The following THADA variants were observed in gnomAD, a reference collection of about 807,000 sequenced individuals.
THADA encodes THADA armadillo repeat containing, also known as tRNA (32-2'-O)-methyltransferase regulator THADA.
THADA carries 213 observed loss-of-function variants against 219.8 expected under a neutral mutation model. The observed-to-expected ratio is 0.97, with a 90% confidence interval of 0.87 to 1.09. The LOEUF (loss-of-function observed/expected upper bound fraction) is 1.09. Among genes scored for constraint, THADA ranks in the 50% least tolerant of loss-of-function variants. The pLI is 0.00. For synonymous variants in THADA, 1,018 were observed against 828.9 expected, an observed-to-expected ratio of 1.23 and a Z score of -3.92; for missense variants, 2,956 against 2,311.3, an observed-to-expected ratio of 1.28 and a Z score of -5.72.
intron 31 of THADA, among the ~76,000 whole-genome samples, chr2:43,309,185 T>C (rs773359041): frequency 6.6e-6 from 1 of 152,174 alleles, no homozygotes; most frequent in Non-Finnish European, 1.5e-5. Context: ...AAAAAAGACA[T>C]ACATAGTCAA....
At chr2:43,233,989 G>A (rs1046026313) in intron 36 of THADA, among the ~76,000 whole-genome samples, 4 of 152,140 alleles carry the variant, frequency 2.6e-5, no homozygotes, top group Non-Finnish European at 4.4e-5. Flanking sequence ...GCCCCCGAAA[G>A]ACTTACTCGG....
chr2:43,549,656 T>C (rs1396192559), intron 19 of THADA, among the ~76,000 whole-genome samples: 1 of 150,870 alleles, frequency 6.6e-6, no homozygotes, highest in Non-Finnish European at 1.5e-5. Flanking sequence ...TTTCTTAGTG[T>C]TGTCTAAATA....
chr2:43,469,686 C>T (rs144835890), intron 26 of THADA, among the ~76,000 whole-genome samples: 1 of 148,052 alleles, frequency 6.8e-6, no homozygotes, highest in African/African-American at 2.6e-5. Context: ...TCCAAAAAAA[C>T]ATGCCTCTCT....
chr2:43,320,866 T>TGGGGAGATG (rs1466981360), intron 30 of THADA, among the ~76,000 whole-genome samples: 1 of 151,816 alleles, frequency 6.6e-6, no homozygotes, highest in Non-Finnish European at 1.5e-5. Flanking sequence ...ACAGAAGGGG[T>TGGGGAGATG]GGGGAGATGG....
intron 34 of THADA, among the ~76,000 whole-genome samples, chr2:43,288,157 G>T (rs955292597): frequency 6.6e-6 from 1 of 152,228 alleles, no homozygotes; most frequent in Non-Finnish European, 1.5e-5. Context: ...AGTGGCTCAC[G>T]GCTATAATCC....
chr2:43,348,671 G>A (rs759562882), intron 29 of THADA, among the ~76,000 whole-genome samples: 2 of 152,176 alleles, frequency 1.3e-5, no homozygotes, highest in African/African-American at 4.8e-5. Context: ...CTTTAGACAT[G>A]GAGTTAAGGC....
chr2:43,326,213 A>G (rs1679317272), intron 30 of THADA, among the ~76,000 whole-genome samples: 1 of 151,914 alleles, frequency 6.6e-6, no homozygotes, highest in African/African-American at 2.4e-5. Context: ...GTAGTTGGGA[A>G]AACACACAAC....
chr2:43,370,201 A>G (rs1410964599), intron 29 of THADA: 3 of 152,256 alleles, frequency 2.0e-5, no homozygotes, highest in Non-Finnish European at 2.9e-5. Flanking sequence ...TCTTGGCCTG[A>G]AAGAGCAAAG....
At chr2:43,469,507 G>A (rs1488371342) in intron 26 of THADA, among the ~76,000 whole-genome samples, 2 of 151,626 alleles carry the variant, frequency 1.3e-5, no homozygotes, top group African/African-American at 4.9e-5. Flanking sequence ...TCCCTTAAAT[G>A]AACATTAAAA....
At chr2:43,284,277 C>A (rs781103039) in intron 35 of THADA, among the ~76,000 whole-genome samples, 8 of 152,220 alleles carry the variant, frequency 5.3e-5, no homozygotes, top group Non-Finnish European at 1.2e-4. Context: ...CCACCAAAGG[C>A]CAGGAGGCCT....
chr2:43,395,488 A>G (rs900891943), intron 29 of THADA, among the ~76,000 whole-genome samples: 2 of 152,242 alleles, frequency 1.3e-5, no homozygotes, highest in African/African-American at 4.8e-5. Flanking sequence ...TTTATATTAA[A>G]GAAACCACCT....
At chr2:43,570,303 A>C (rs1699148083) in intron 14 of THADA, 85 bp downstream of exon 14, 28 of 1,301,694 alleles carry the variant, frequency 2.2e-5, no homozygotes, top group Non-Finnish European at 2.7e-5. Context: ...TTACCAAGAG[A>C]CTTCCATTTA....
At chr2:43,303,599 T>C (rs1676503425) in intron 31 of THADA, among the ~76,000 whole-genome samples, 1 of 151,924 alleles carries the variant, frequency 6.6e-6, no homozygotes, top group African/African-American at 2.4e-5. Flanking sequence ...TTTTAAAAGA[T>C]GCATGTTAAT....
rs917012090 is a variant in THADA, at chr2:43,344,118, A to C, written c.4343+4T>G. ...CTCCTTGCTCATGTGGGATTTTAAC[A>C]TACCTCTTGGCCAGCCAGAGTTTGG... On this transcript the variant is annotated splice_donor_region_variant and intron_variant, in intron 30 of 37. Coordinates refer to ENST00000405975, the MANE Select transcript of THADA (RefSeq NM_022065.5). 1 of 1,599,612 alleles carries C rather than the reference A, an allele frequency of 6.3e-7. No homozygotes were observed. The highest frequency in any genetic ancestry group is 1.3e-5 in the African/African-American group (1 of 74,692).
intron 31 of THADA, among the ~76,000 whole-genome samples, chr2:43,293,941 T>C (rs1244812265): frequency 6.6e-6 from 1 of 152,180 alleles, no homozygotes; most frequent in Non-Finnish European, 1.5e-5. Flanking sequence ...GGACTATTAC[T>C]TTCTCTGTTC....
At chr2:43,488,377 G>A (rs1434563945) in intron 25 of THADA, among the ~76,000 whole-genome samples, 2 of 152,052 alleles carry the variant, frequency 1.3e-5, no homozygotes, top group Admixed American at 6.6e-5. Context: ...AATCTACTTT[G>A]TGTCTCTATA....
At chr2:43,545,269 G>T (rs970566124) in intron 20 of THADA, among the ~76,000 whole-genome samples, 5 of 151,390 alleles carry the variant, frequency 3.3e-5, no homozygotes, top group Non-Finnish European at 5.9e-5. Flanking sequence ...TGCTGGATTC[G>T]GTTTGCCAGT....
At chr2:43,268,056 T>C (rs1671721489) in intron 36 of THADA, among the ~76,000 whole-genome samples, 1 of 152,186 alleles carries the variant, frequency 6.6e-6, no homozygotes, top group Non-Finnish European at 1.5e-5. Flanking sequence ...AGAAGACAAG[T>C]TGCCGTCAAG....
chr2:43,393,074 G>T (rs1203030265), intron 29 of THADA, among the ~76,000 whole-genome samples: 1 of 152,178 alleles, frequency 6.6e-6, no homozygotes, highest in African/African-American at 2.4e-5. Context: ...GGTCCCAAGG[G>T]AGGATCTGTA....
Sources: gnomAD v4.1 joint callset for allele counts (sites outside exome capture counted in the v4.1 genomes callset) on GRCh38, gnomAD v4.1.1 for gene constraint, MANE v1.5 for transcripts, NCBI Gene and HGNC (gene_info 2026-07-23, HGNC 2026-07-21) for gene names.